Variants in MDN1 observed in about 807,000 individuals in gnomAD.
MDN1 encodes the protein midasin AAA ATPase 1, also known as midasin.
MDN1 carries 266 observed loss-of-function variants against 669.2 expected under a neutral mutation model. That is an observed-to-expected ratio of 0.40 (90% CI 0.36 to 0.44). MDN1 has a LOEUF of 0.44. Among genes scored for constraint, MDN1 ranks in the 20% least tolerant of loss-of-function variants. The probability of loss-of-function intolerance (pLI) is 1.00; values close to 1 mark genes in which losing one functional copy is unlikely to be tolerated. For missense variants in MDN1, 5,940 were observed against 6,754.0 expected, an observed-to-expected ratio of 0.88 and a Z score of 4.22; for synonymous variants, 2,385 against 2,457.1, an observed-to-expected ratio of 0.97 and a Z score of 0.87.
chr6:89,680,537 G>T (rs943084753), intron 74 of MDN1, 52 bp downstream of exon 74: 1 of 1,589,028 alleles, frequency 6.3e-7, no homozygotes, highest in Admixed American at 1.8e-5. Flanking sequence ...GCCCTCCTGC[G>T]CCACTGGGGA....
chr6:89,701,732 CAGTA>C (rs1813175654), intron 54 of MDN1, 54 bp from the exon 55 acceptor site: 2 of 1,575,928 alleles, frequency 1.3e-6, no homozygotes, highest in South Asian at 2.4e-5. Context: ...AAATGCTAGA[CAGTA>C]AGAGAAGCCA....
intron 21 of MDN1, 89 bp from the exon 22 acceptor site, chr6:89,753,711 G>GTGA (rs1817080169): frequency 1.9e-6 from 2 of 1,056,736 alleles, no homozygotes; most frequent in Non-Finnish European, 2.9e-6. Context: ...AACCTCTTGG[G>GTGA]TGATGCTGCT....
Position 89,707,468 on chromosome 6 carries a change from AT to A in MDN1, c.7906del (p.Ile2636TyrfsTer23). The part of the protein sequence containing the change: ...LLESAANKTI[I>X]YLDREKRVFT... Reference sequence around the variant, plus strand: ...AACCCGTTTTTCCCGGTCAAGATATATGATTGTCCTGGAATGAGATTCAAAA... The same window carrying A: ...AACCCGTTTTTCCCGGTCAAGATATAGATTGTCCTGGAATGAGATTCAAAA... On this transcript the variant is annotated frameshift_variant, in exon 52 of 102. Transcript: ENST00000369393. LOFTEE classifies it high-confidence loss of function. 2 of 1,605,788 alleles carry A rather than the reference AT, an allele frequency of 1.2e-6. No homozygotes were observed. The highest frequency in any genetic ancestry group is 1.7e-6 in the Non-Finnish European group (2 of 1,172,524).
At chr6:89,651,169 C>G (rs1295794727) in intron 95 of MDN1, among the ~76,000 whole-genome samples, 2 of 144,678 alleles carry the variant, frequency 1.4e-5, no homozygotes, top group Non-Finnish European at 3.0e-5. Flanking sequence ...AAAAAAAATA[C>G]AGAAAATTAG....
intron 1 of MDN1, among the ~76,000 whole-genome samples, chr6:89,811,533 C>T (rs146525511): frequency 5.1e-4 from 77 of 152,072 alleles, no homozygotes; most frequent in Non-Finnish European, 7.2e-4. Flanking sequence ...GCGTCCCTCT[C>T]GGGTTCAGTT....
intron 53 of MDN1, among the ~76,000 whole-genome samples, chr6:89,704,140 G>A (rs1440337899): frequency 2.0e-5 from 3 of 151,976 alleles, no homozygotes; most frequent in African/African-American, 4.8e-5. Flanking sequence ...CAGCATTTAC[G>A]GAGGTTGACG....
Position 89,653,045 on chromosome 6 carries a change from G to A in MDN1, c.15772C>T (p.Arg5258Ter), listed in dbSNP as rs1311244151. Reference protein sequence around the residue: ...ETENEKPERSRESTIHTAHQF... With the variant: ...ETENEKPERS ...TGAGCTGTATGAATGGTAGACTCTC[G>A]GCTTCTTTCTGGTTTCTCATTTTCT... Residue 5258 changes from arginine to a stop codon, truncating the protein, a stop_gained, in exon 94 of 102, where the codon CGA becomes TGA. Transcript: ENST00000369393. LOFTEE classifies it high-confidence loss of function. 1.2e-6 allele frequency: 2 copies of A among 1,613,958 alleles called. No homozygotes were observed. Among genetic ancestry groups the A allele is most frequent in the Middle Eastern group, 1.6e-4 (1 of 6,080 alleles).
At chr6:89,783,280 G>A (rs1562214707) in intron 9 of MDN1, among the ~76,000 whole-genome samples, 1 of 152,100 alleles carries the variant, frequency 6.6e-6, no homozygotes, top group Non-Finnish European at 1.5e-5. Flanking sequence ...GCATTCCCGG[G>A]GGGGAGGTCT....
chr6:89,748,410 T>G (rs1051465276), intron 26 of MDN1, among the ~76,000 whole-genome samples: 1 of 152,164 alleles, frequency 6.6e-6, no homozygotes, highest in African/African-American at 2.4e-5. Context: ...GTAGGAGTCT[T>G]CATTATTATT....
chr6:89,819,575 C>T lies in MDN1; in HGVS notation c.33G>A (p.Ala11=). 6.2e-7 allele frequency: 1 copy of T among 1,603,038 alleles called. No individual in the cohort carries two copies. The highest frequency in any genetic ancestry group is 1.3e-5 in the African/African-American group (1 of 75,042). ...TCTTGGCTGCGATTAACCGCAGCGGCGCGGCTGCCACCTCCAGCAAGAAGT... is the reference window on the plus strand; with the variant it reads ...TCTTGGCTGCGATTAACCGCAGCGGTGCGGCTGCCACCTCCAGCAAGAAGT... MEHFLLEVAA[A]PLRLIAAKNE... Residue 11 remains alanine (A), a synonymous_variant, in exon 1 of 102, where the codon GCG becomes GCA. Transcript: ENST00000369393.
In MDN1 at chr6:89,700,636, A is replaced by T; in HGVS notation, c.8638+10T>A. 1 of 1,612,822 alleles carries T rather than the reference A, an allele frequency of 6.2e-7. No homozygotes were observed. Among genetic ancestry groups the T allele is most frequent in the Non-Finnish European group, 8.5e-7 (1 of 1,178,832 alleles). The stretch of plus-strand genomic sequence containing the variant: ...CATCTGTCAGCTAGCCAAGTGCTAG[A>T]ATATTTTACCTAGGCTGACATCTTC... On this transcript the variant is annotated intron_variant, in intron 56 of 101. Transcript: ENST00000369393.
At position 89,806,307 on chromosome 6, in the gene MDN1, C is replaced by T. The variant is rs574038555; in HGVS notation, c.103-2753G>A. Among the ~76,000 whole-genome samples the T allele has an allele frequency of 3.0e-3, 450 of 152,198 alleles. 1 individual carries two copies. Among genetic ancestry groups the T allele is most frequent in the African/African-American group, 0.01 (430 of 41,554 alleles). On this transcript the variant is annotated intron_variant, in intron 1 of 101. Coordinates refer to ENST00000369393, the MANE Select transcript of MDN1 (RefSeq NM_014611.3). ...ACATATCCAAAGAAAACTGGTCAGA[C>T]ATGGTGGTACTTTGGGAGGCCAAGG... is the stretch of plus-strand genomic sequence containing the variant.
At chr6:89,678,830 C>G in intron 74 of MDN1, 85 bp from the exon 75 acceptor site, 4 of 1,414,072 alleles carry the variant, frequency 2.8e-6, no homozygotes, top group Non-Finnish European at 3.8e-6. Context: ...ACACCAGGGA[C>G]CTTCTGGAGA....
intron 12 of MDN1, among the ~76,000 whole-genome samples, chr6:89,776,085 C>A (rs1322419028): frequency 6.6e-6 from 1 of 152,172 alleles, no homozygotes; most frequent in East Asian, 1.9e-4. Context: ...TAGTTACATT[C>A]CTGAGTCTAA....
intron 11 of MDN1, 78 bp downstream of exon 11, chr6:89,780,134 T>C: frequency 1.3e-6 from 1 of 771,392 alleles, no homozygotes; most frequent in South Asian, 2.1e-5. Context: ...CTGATGGCAA[T>C]CAAAAGACAG....
intron 5 of MDN1, among the ~76,000 whole-genome samples, chr6:89,793,053 G>A (rs990421839): frequency 6.6e-6 from 1 of 152,128 alleles, no homozygotes; most frequent in African/African-American, 2.4e-5. Context: ...AAAAGAGACT[G>A]GCTCCCACTA....
chr6:89,774,751 T>G lies in MDN1; in HGVS notation c.1822-18A>C, dbSNP rs768770278. 3 of 1,548,660 alleles carry G rather than the reference T, an allele frequency of 1.9e-6. No homozygotes were observed. Among genetic ancestry groups the G allele is most frequent in the Non-Finnish European group, 2.7e-6 (3 of 1,121,024 alleles). ...AATTCAGCCTGTAGGAGGTAAGATTTTACCTGAGTAAAAATCCACATGCTT... is the reference window on the plus strand; with the variant it reads ...AATTCAGCCTGTAGGAGGTAAGATTGTACCTGAGTAAAAATCCACATGCTT... On this transcript the variant is annotated intron_variant, in intron 12 of 101. Coordinates refer to ENST00000369393, the MANE Select transcript of MDN1 (RefSeq NM_014611.3).
chr6:89,758,442 A>G (rs1817366299), intron 18 of MDN1, 91 bp from the exon 19 acceptor site: 1 of 1,036,624 alleles, frequency 9.6e-7, no homozygotes, highest in African/African-American at 1.6e-5. Flanking sequence ...CTGGCTGCTC[A>G]CACCATCCTT....
chr6:89,805,910 T>C (rs978792552), intron 1 of MDN1, among the ~76,000 whole-genome samples: 2 of 152,170 alleles, frequency 1.3e-5, no homozygotes, highest in African/African-American at 2.4e-5. Context: ...AACTGCTGCA[T>C]GTCCGCATAA....
Sources: allele counts gnomAD v4.1 joint callset (sites outside exome capture counted in the v4.1 genomes callset), GRCh38; gene constraint gnomAD v4.1.1; transcripts MANE v1.5; gene names NCBI Gene and HGNC (gene_info 2026-07-23, HGNC 2026-07-21).